The following ATP10B variants were observed in gnomAD, a reference collection of about 807,000 sequenced individuals.
ATP10B encodes phospholipid-transporting ATPase VB.
A neutral mutation model predicts 141.2 loss-of-function variants in ATP10B; 122 were observed. The ratio of observed to expected loss-of-function variants is 0.86; its 90% CI spans 0.75 to 1.00. The LOEUF is 1.00. Among genes scored for constraint, ATP10B ranks in the 50% least tolerant of loss-of-function variants. The probability of loss-of-function intolerance (pLI) is 0.00; values close to 1 mark genes in which losing one functional copy is unlikely to be tolerated. For missense variants in ATP10B, 1,876 were observed against 1,825.3 expected (o/e 1.03, Z -0.51); for synonymous variants, 685 against 692.0 (o/e 0.99, Z 0.16).
intron 3 of ATP10B, among the ~76,000 whole-genome samples, chr5:160,705,676 C>T (rs537042601): frequency 1.3e-5 from 2 of 152,152 alleles, no homozygotes; most frequent in Non-Finnish European, 2.9e-5. Context: ...CTGGTTAGAC[C>T]TTCTATCCAG....
chr5:160,753,955 A>C (rs1768339833), intron 2 of ATP10B, among the ~76,000 whole-genome samples: 1 of 152,154 alleles, frequency 6.6e-6, no homozygotes, highest in Non-Finnish European at 1.5e-5. Context: ...AGGTTCTTCA[A>C]AGAAAATAGC....
the ATP10B span, among the ~76,000 whole-genome samples, chr5:160,878,581 C>T: frequency 2.6e-5 from 4 of 151,458 alleles, no homozygotes; most frequent in Non-Finnish European, 4.4e-5. Flanking sequence ...AAGAAACTAC[C>T]GTCAGAGCGA....
At chr5:160,819,979 C>T (rs1463169040) in intron 1 of ATP10B, among the ~76,000 whole-genome samples, 1 of 151,650 alleles carries the variant, frequency 6.6e-6, no homozygotes, top group Non-Finnish European at 1.5e-5. Flanking sequence ...GAAACAAAAG[C>T]AGGAGCAAAC....
At chr5:160,801,378 C>T (rs1772360652) in intron 1 of ATP10B, among the ~76,000 whole-genome samples, 1 of 152,214 alleles carries the variant, frequency 6.6e-6, no homozygotes, top group African/African-American at 2.4e-5. Flanking sequence ...CACCTATCAC[C>T]TTCAGCCTCA....
At chr5:160,871,982 T>C in the ATP10B span, among the ~76,000 whole-genome samples, 4 of 152,156 alleles carry the variant, frequency 2.6e-5, no homozygotes. Flanking sequence ...CTGTTTTCCA[T>C]AGTGGCTGTA....
chr5:160,780,407 G>A (rs1338429497), intron 2 of ATP10B, among the ~76,000 whole-genome samples: 3 of 152,044 alleles, frequency 2.0e-5, no homozygotes, highest in African/African-American at 7.2e-5. Flanking sequence ...TACTAACAAT[G>A]CATTTGTTTC....
At chr5:160,811,063 C>T (rs1286955188) in intron 1 of ATP10B, among the ~76,000 whole-genome samples, 1 of 152,188 alleles carries the variant, frequency 6.6e-6, no homozygotes, top group Admixed American at 6.5e-5. Context: ...TCTAGACACA[C>T]CCTGGGCCAG....
At chr5:160,800,838 T>A (rs1308773007) in intron 1 of ATP10B, among the ~76,000 whole-genome samples, 1 of 152,214 alleles carries the variant, frequency 6.6e-6, no homozygotes, top group Non-Finnish European at 1.5e-5. Flanking sequence ...AAAACATCCA[T>A]ACTTCAAGGC....
chr5:160,789,677 C>T lies in ATP10B; in HGVS notation c.-575-3874G>A, dbSNP rs529850678. ...CTTAATGAAATTTCACAATGCCAAGCGTAATTATTGGCTACAGATTACAGA... is the reference window on the plus strand; with the variant it reads ...CTTAATGAAATTTCACAATGCCAAGTGTAATTATTGGCTACAGATTACAGA... On this transcript the variant is annotated intron_variant, in intron 1 of 25. Transcript: ENST00000327245. Among the ~76,000 whole-genome samples the T allele has an allele frequency of 5.3e-5, 8 of 152,160 alleles. No individual in the cohort carries two copies. The East Asian group carries it at 1.2e-3, about 22-fold the overall frequency.
chr5:160,790,365 G>A (rs187197503), intron 1 of ATP10B, among the ~76,000 whole-genome samples: 88 of 152,234 alleles, frequency 5.8e-4, no homozygotes, highest in African/African-American at 2.0e-3. Flanking sequence ...CTGGCTCTGA[G>A]GAAAGTTAGA....
chr5:160,808,885 G>T (rs1166623880), intron 1 of ATP10B, among the ~76,000 whole-genome samples: 1 of 152,186 alleles, frequency 6.6e-6, no homozygotes, highest in Non-Finnish European at 1.5e-5. Flanking sequence ...CAAGGTGATG[G>T]TAGGATCGGT....
the ATP10B span, among the ~76,000 whole-genome samples, chr5:160,879,537 T>TA: frequency 0.3 from 39,909 of 134,798 alleles, 5,962 homozygotes; most frequent in East Asian, 0.51. Flanking sequence ...AAAGTAAAAT[T>TA]AAAAAAAAAA....
intron 9 of ATP10B, 94 bp from the exon 10 acceptor site, chr5:160,640,686 A>G (rs1759787260): frequency 6.7e-7 from 1 of 1,489,586 alleles, no homozygotes; most frequent in African/African-American, 1.4e-5. Flanking sequence ...CTTAAGATAA[A>G]AGAGAGGCTT....
chr5:160,850,350 G>A (rs555263574), intron 1 of ATP10B, among the ~76,000 whole-genome samples: 1 of 152,258 alleles, frequency 6.6e-6, no homozygotes, highest in South Asian at 2.1e-4. Context: ...CTTGAATCCA[G>A]GAGGCAGAGG....
the ATP10B span, among the ~76,000 whole-genome samples, chr5:160,871,120 A>C: frequency 1.3e-5 from 2 of 152,174 alleles, no homozygotes; most frequent in South Asian, 4.1e-4. Flanking sequence ...ATCTTCATAG[A>C]GAAAGGAAGA....
At chr5:160,837,932 T>C (rs1367586628) in intron 1 of ATP10B, among the ~76,000 whole-genome samples, 1 of 152,158 alleles carries the variant, frequency 6.6e-6, no homozygotes, top group Non-Finnish European at 1.5e-5. Flanking sequence ...TGGAAGCAAA[T>C]TCTTTGACAT....
At chr5:160,822,403 G>T (rs978916999) in intron 1 of ATP10B, among the ~76,000 whole-genome samples, 1 of 152,004 alleles carries the variant, frequency 6.6e-6, no homozygotes, top group Non-Finnish European at 1.5e-5. Context: ...ACCCTTGTAC[G>T]CTGTTAGTGG....
In ATP10B at chr5:160,598,988, G is replaced by T; in HGVS notation, c.3364-18C>A. 1 of 1,612,408 alleles carries T rather than the reference G, an allele frequency of 6.2e-7. No homozygotes were observed. Among genetic ancestry groups the T allele is most frequent in the Non-Finnish European group, 8.5e-7 (1 of 1,179,052 alleles). ...ACGTAGCACTGCAGGCAGAGAGCAT[G>T]GCCTTGTGAGTGGGGCTCCATGTGC... On this transcript the variant is annotated intron_variant, in intron 21 of 25. Transcript: ENST00000327245.
chr5:160,670,770 T>G, intron 6 of ATP10B, 103 bp from the exon 7 acceptor site: 8 of 1,017,602 alleles, frequency 7.9e-6, no homozygotes, highest in Non-Finnish European at 1.2e-5. Context: ...ATCCACCAAG[T>G]CAGCCTGTCA....
Sources: gnomAD v4.1 joint callset for allele counts (sites outside exome capture counted in the v4.1 genomes callset) on GRCh38, gnomAD v4.1.1 for gene constraint, MANE v1.5 for transcripts, NCBI Gene and HGNC (gene_info 2026-07-23, HGNC 2026-07-21) for gene names.